Variants in THSD4 observed in about 807,000 individuals in gnomAD.
THSD4 encodes thrombospondin type-1 domain-containing protein 4.
In THSD4, 69 loss-of-function variants were observed where a neutral mutation model predicts 119.0. That is an observed-to-expected ratio of 0.58 (90% CI 0.48 to 0.71). The LOEUF (loss-of-function observed/expected upper bound fraction) is 0.71, where lower values mean the gene tolerates loss of function less well. Ranked by LOEUF, THSD4 falls within the 30% of genes least tolerant of loss-of-function variation. The pLI, the probability that THSD4 is intolerant of heterozygous loss-of-function variation, is 0.00. For missense variants in THSD4, 1,393 were observed against 1,391.1 expected, an observed-to-expected ratio of 1.00 and a Z score of -0.02; for synonymous variants, 524 against 540.4, an observed-to-expected ratio of 0.97 and a Z score of 0.42.
At chr15:71,551,310 A>C (rs8035401) in intron 7 of THSD4, among the ~76,000 whole-genome samples, 59,950 of 152,144 alleles carry the variant, frequency 0.39, 14,119 homozygotes, top group East Asian at 0.75. Context: ...AGATCTTTGT[A>C]TTTGATGAGC....
At chr15:71,338,697 A>G (rs2045520620) in intron 6 of THSD4, among the ~76,000 whole-genome samples, 1 of 152,112 alleles carries the variant, frequency 6.6e-6, no homozygotes, top group Non-Finnish European at 1.5e-5. Flanking sequence ...AAACACTGAG[A>G]TTATTAGAAG....
intron 6 of THSD4, among the ~76,000 whole-genome samples, chr15:71,399,931 T>G (rs1164659518): frequency 6.6e-6 from 1 of 152,188 alleles, no homozygotes; most frequent in South Asian, 2.1e-4. Context: ...AGAAGACTAT[T>G]GATAGAAAAT....
chr15:71,414,176 G>A (rs1372161129), intron 7 of THSD4, among the ~76,000 whole-genome samples: 2 of 152,228 alleles, frequency 1.3e-5, no homozygotes, highest in African/African-American at 2.4e-5. Flanking sequence ...AGAATGAGGA[G>A]GATGGTACCT....
chr15:71,579,015 T>G (rs2049510087), intron 7 of THSD4, among the ~76,000 whole-genome samples: 1 of 151,918 alleles, frequency 6.6e-6, no homozygotes, highest in Admixed American at 6.6e-5. Context: ...GGCTAATTTT[T>G]TGTATTTTTA....
chr15:71,141,486 CGT>C lies in THSD4; in HGVS notation c.-41_-40del, dbSNP rs750427511. The C allele has an allele frequency of 1.3e-6, 2 of 1,578,248 alleles. No individual in the cohort carries two copies. The highest frequency in any genetic ancestry group is 2.7e-5 in the African/African-American group (2 of 73,378). On this transcript the variant is annotated 5_prime_UTR_variant, in exon 2 of 18. Transcript: ENST00000261862. ...ACTCCCAATTGCAGAAAATTGGCAA[CGT>C]CTCTGAAGAGCCCTTGCTTTTGCCT... is the stretch of plus-strand genomic sequence containing the variant.
intron 1 of THSD4, among the ~76,000 whole-genome samples, chr15:71,097,470 G>T (rs1284516840): frequency 6.6e-6 from 1 of 151,336 alleles, no homozygotes; most frequent in African/African-American, 2.4e-5. Context: ...GGAGGCTAAG[G>T]TTAGTGGATT....
chr15:71,647,896 G>A (rs906065910), intron 7 of THSD4, among the ~76,000 whole-genome samples: 3 of 152,176 alleles, frequency 2.0e-5, no homozygotes, highest in African/African-American at 7.2e-5. Context: ...TCGTGGGAGG[G>A]GAGGCCTCGG....
intron 7 of THSD4, among the ~76,000 whole-genome samples, chr15:71,475,182 T>A (rs1418943025): frequency 2.6e-5 from 4 of 152,226 alleles, no homozygotes; most frequent in Non-Finnish European, 4.4e-5. Context: ...AGATAGTCGT[T>A]AAGTTGAATG....
At chr15:71,367,435 C>A (rs554743626) in intron 6 of THSD4, among the ~76,000 whole-genome samples, 1 of 152,288 alleles carries the variant, frequency 6.6e-6, no homozygotes, top group East Asian at 1.9e-4. Flanking sequence ...AATGCTATCC[C>A]TCCCCACCCC....
At chr15:71,292,459 C>G (rs2044804112) in intron 6 of THSD4, among the ~76,000 whole-genome samples, 1 of 151,940 alleles carries the variant, frequency 6.6e-6, no homozygotes, top group South Asian at 2.1e-4. Context: ...ATTTCCTTGT[C>G]TTTCCTATTT....
chr15:71,215,379 C>CA lies in THSD4; in HGVS notation c.444_445insA (p.Glu149ArgfsTer23). ...GCCGGCACCCACAGCCCCAGGGCCT[C>CA]GAAGTCACTGGGGACAGAAGGTACA... On this transcript the variant is annotated frameshift_variant, in exon 4 of 18. Coordinates refer to ENST00000261862, the MANE Select transcript of THSD4 (RefSeq NM_024817.3). LOFTEE classifies it high-confidence loss of function. 6.5e-7 allele frequency: 1 copy of CA among 1,531,514 alleles called. No homozygotes were observed. Among genetic ancestry groups the CA allele is most frequent in the Non-Finnish European group, 8.7e-7 (1 of 1,144,898 alleles). The allele number at this position is 1,531,514 out of a possible 1,614,324, so 94.9% of individuals were successfully genotyped here.
intron 7 of THSD4, among the ~76,000 whole-genome samples, chr15:71,609,261 C>A (rs1373623370): frequency 6.6e-6 from 1 of 152,154 alleles, no homozygotes; most frequent in African/African-American, 2.4e-5. Context: ...AATTAGTTAA[C>A]AAATACAAGC....
intron 4 of THSD4, among the ~76,000 whole-genome samples, chr15:71,221,038 G>A (rs377096008): frequency 2.0e-5 from 3 of 152,254 alleles, no homozygotes; most frequent in East Asian, 1.9e-4. Flanking sequence ...CTGTGTCCCC[G>A]TGATGGCTAA....
intron 7 of THSD4, among the ~76,000 whole-genome samples, chr15:71,591,161 C>T (rs569208927): frequency 1.4e-3 from 213 of 152,114 alleles, no homozygotes; most frequent in Middle Eastern, 6.8e-3. Flanking sequence ...CTTCCTCTTA[C>T]CTATTGTCAC....
intron 6 of THSD4, among the ~76,000 whole-genome samples, chr15:71,407,989 G>A (rs1596409339): frequency 6.6e-6 from 1 of 152,202 alleles, no homozygotes; most frequent in South Asian, 2.1e-4. Context: ...AGGCAGGGAG[G>A]ACATTCAGGA....
chr15:71,628,970 A>G (rs1285667652), intron 7 of THSD4, among the ~76,000 whole-genome samples: 1 of 152,192 alleles, frequency 6.6e-6, no homozygotes, highest in African/African-American at 2.4e-5. Context: ...TGTTCTAGAC[A>G]CTTGCGATGC....
At chr15:71,656,157 A>G (rs1470421383) in intron 7 of THSD4, among the ~76,000 whole-genome samples, 1 of 152,246 alleles carries the variant, frequency 6.6e-6, no homozygotes, top group Non-Finnish European at 1.5e-5. Context: ...ATGTGATAAT[A>G]GTTCATGAAA....
chr15:71,614,403 T>A (rs1207143747), intron 7 of THSD4, among the ~76,000 whole-genome samples: 1 of 152,198 alleles, frequency 6.6e-6, no homozygotes, highest in Non-Finnish European at 1.5e-5. Context: ...GAGAGGATGC[T>A]AAGTTTTCCT....
At chr15:71,335,539 C>G (rs1383040203) in intron 6 of THSD4, among the ~76,000 whole-genome samples, 1 of 151,892 alleles carries the variant, frequency 6.6e-6, no homozygotes, top group African/African-American at 2.4e-5. Context: ...GATTTCAGAC[C>G]CAGAGAAAAA....
Sources: allele counts gnomAD v4.1 joint callset (sites outside exome capture counted in the v4.1 genomes callset), GRCh38; gene constraint gnomAD v4.1.1; transcripts MANE v1.5; gene names NCBI Gene and HGNC (gene_info 2026-07-23, HGNC 2026-07-21).